Variants in GIT2 observed in about 807,000 individuals in gnomAD.
The protein encoded by GIT2 is GIT ArfGAP 2.
Under a neutral mutation model 100.3 loss-of-function variants are expected in GIT2, and 32 were observed. The observed-to-expected ratio is 0.32, with a 90% confidence interval of 0.24 to 0.43. The LOEUF (loss-of-function observed/expected upper bound fraction) is 0.43, where lower values mean the gene tolerates loss of function less well. GIT2 is among the 20% of genes least tolerant of loss of function. GIT2 has a pLI of 1.00. For missense variants in GIT2, 737 were observed against 975.1 expected (o/e 0.76, Z 3.25); for synonymous variants, 353 against 364.1 (o/e 0.97, Z 0.35).
chr12:109,983,708 A>C lies in GIT2; in HGVS notation c.406-14T>G, dbSNP rs747645733. 1 of 1,591,212 alleles carries C rather than the reference A, an allele frequency of 6.3e-7. No homozygotes were observed. Among genetic ancestry groups the C allele is most frequent in the Admixed American group, 1.7e-5 (1 of 59,194 alleles). Reference sequence around the variant, plus strand: ...CGAATGGAGTTGCTGAAAAACGCAGAAACAAAAAAGGAATCGTGGTTAGAG... The same window carrying C: ...CGAATGGAGTTGCTGAAAAACGCAGCAACAAAAAAGGAATCGTGGTTAGAG... On this transcript the variant is annotated splice_polypyrimidine_tract_variant and intron_variant, in intron 4 of 19. Transcript: ENST00000355312.
intron 17 of GIT2, chr12:109,938,958 G>A (rs1873818310): frequency 3.6e-6 from 2 of 554,434 alleles, no homozygotes; most frequent in Non-Finnish European, 6.5e-6. Context: ...CACATAACAT[G>A]CTGGTACAAA....
Position 109,938,582 on chromosome 12 carries a change from A to G in GIT2, c.1815-14T>C. ...TTTCGGCTTGACCTGTGAACATTAA[A>G]GATGCAGTTAAATACAGCAGGTGCT... On this transcript the variant is annotated splice_polypyrimidine_tract_variant and intron_variant, in intron 17 of 19. Coordinates refer to ENST00000355312, the MANE Select transcript of GIT2 (RefSeq NM_057169.5). 6.4e-7 allele frequency: 1 copy of G among 1,562,236 alleles called. No homozygotes were observed. Among genetic ancestry groups the G allele is most frequent in the Non-Finnish European group, 8.7e-7 (1 of 1,155,378 alleles).
intron 12 of GIT2, chr12:109,954,467 A>G (rs1240808524): frequency 6.6e-6 from 1 of 152,216 alleles, no homozygotes; most frequent in Non-Finnish European, 1.5e-5. Flanking sequence ...CACTTTGAAC[A>G]AAAGATTTCA....
Position 109,957,708 on chromosome 12 carries a change from G to A in GIT2, c.1099+2139C>T, listed in dbSNP as rs148414814. Among the ~76,000 whole-genome samples the A allele has an allele frequency of 3.7e-3, 567 of 151,876 alleles. 3 individuals carry two copies. Among genetic ancestry groups the A allele is most frequent in the African/African-American group, 0.013 (529 of 41,418 alleles). On this transcript the variant is annotated intron_variant, in intron 12 of 19. Coordinates refer to ENST00000355312, the MANE Select transcript of GIT2 (RefSeq NM_057169.5). ...TTTTTAGTAGAGACAGGATTTCACC[G>A]TGTTAGCCAGGATGGTCTCGATCTC...
chr12:109,968,426 CTTAT>C (rs1270041074), intron 7 of GIT2, among the ~76,000 whole-genome samples: 6 of 151,750 alleles, frequency 4.0e-5, no homozygotes, highest in African/African-American at 1.5e-4. Flanking sequence ...AATTAATTAA[CTTAT>C]TTATTTATTT....
At position 109,962,957 on chromosome 12, in the gene GIT2, G is replaced by A. The variant is rs1881435313; in HGVS notation, c.817-1272C>T. On this transcript the variant is annotated intron_variant, in intron 9 of 19. Transcript: ENST00000355312. The surrounding 1 kb of genome is among the most constrained non-coding windows in gnomAD (Gnocchi z 4.3). Reference sequence around the variant, plus strand: ...GGAGTTCAAGGCTGCAGTGAGCCACGATGGCACCACTGCACGCCAGCCTGG... The same window carrying A: ...GGAGTTCAAGGCTGCAGTGAGCCACAATGGCACCACTGCACGCCAGCCTGG... Among the ~76,000 whole-genome samples the A allele has an allele frequency of 6.6e-6, 1 of 152,060 alleles. No individual in the cohort carries two copies. Among genetic ancestry groups the A allele is most frequent in the Non-Finnish European group, 1.5e-5 (1 of 68,022 alleles).
At chr12:109,942,790 A>C (rs1875174805) in intron 16 of GIT2, 1 of 152,224 alleles carries the variant, frequency 6.6e-6, no homozygotes, top group Non-Finnish European at 1.5e-5. Flanking sequence ...ATGTTTTTTC[A>C]AGTATGGAAA....
At chr12:109,935,905 T>C (rs1419663208) in intron 18 of GIT2, among the ~76,000 whole-genome samples, 1 of 152,194 alleles carries the variant, frequency 6.6e-6, no homozygotes, top group Non-Finnish European at 1.5e-5. Context: ...CAGGAGTCCA[T>C]ATTCACAACT....
rs181106780 is a variant in GIT2 at position 109,956,494 on chromosome 12, G to A, written c.1100-3260C>T. 7.4e-4 allele frequency among the ~76,000 whole-genome samples: 112 copies of A among 152,258 alleles called. 1 individual carries two copies. The highest frequency in any genetic ancestry group is 6.8e-3 in the Middle Eastern group (2 of 294). ...TCTCAGCTGGAAACATGTGCTTTTGGTGACTCAATTTTTTTCTCTGCTCTG... is the reference window on the plus strand; with the variant it reads ...TCTCAGCTGGAAACATGTGCTTTTGATGACTCAATTTTTTTCTCTGCTCTG... On this transcript the variant is annotated intron_variant, in intron 12 of 19. Coordinates refer to ENST00000355312, the MANE Select transcript of GIT2 (RefSeq NM_057169.5).
intron 2 of GIT2, 24 bp from the exon 3 acceptor site, chr12:109,989,826 A>C: frequency 1.6e-6 from 2 of 1,212,976 alleles, no homozygotes; most frequent in South Asian, 2.4e-5. Context: ...GGATGACATA[A>C]GACTTTAATT....
chr12:109,954,457 C>T (rs1383440107), intron 12 of GIT2: 1 of 152,174 alleles, frequency 6.6e-6, no homozygotes. Context: ...GGATCTAATA[C>T]ACTTTGAACA....
chr12:109,954,588 ATGG>A (rs1379934696), intron 12 of GIT2: 1 of 152,120 alleles, frequency 6.6e-6, no homozygotes, highest in Non-Finnish European at 1.5e-5. Context: ...TGGGTGATGA[ATGG>A]TGGTTATTTA....
chr12:109,981,132 T>C lies in GIT2; in HGVS notation c.624-86A>G. ...GTACAAAGACGTCTCCTGAGACACC[T>C]GAGCAGTTTATCACACAAGACTTTT... On this transcript the variant is annotated intron_variant, in intron 6 of 19. Coordinates refer to ENST00000355312, the MANE Select transcript of GIT2 (RefSeq NM_057169.5). 4.6e-6 allele frequency: 4 copies of C among 865,776 alleles called. No homozygotes were observed. In the South Asian group the frequency reaches 5.3e-5, roughly 12 times the overall value. 53.6% of individuals were successfully genotyped at this position (865,776 alleles called of 1,614,324 possible).
At chr12:109,949,214 G>T (rs1247838999) in intron 14 of GIT2, among the ~76,000 whole-genome samples, 3 of 152,236 alleles carry the variant, frequency 2.0e-5, no homozygotes, top group Non-Finnish European at 4.4e-5. Flanking sequence ...GGCATGAAGT[G>T]CCTGTTGAAA....
chr12:109,978,803 ATCTTTGTCTGATAACGCC>A (rs749821401), intron 7 of GIT2, among the ~76,000 whole-genome samples: 3 of 152,148 alleles, frequency 2.0e-5, no homozygotes, highest in Non-Finnish European at 2.9e-5. Context: ...CTGCTTTAAA[ATCTTTGTCTGATAACGCC>A]AACATTTGTG....
chr12:109,948,473 G>C lies in GIT2; in HGVS notation c.1393-969C>G. The stretch of plus-strand genomic sequence containing the variant: ...GCTCCATGGTGCTGGATGGATTAGA[G>C]TTAAGGGGTCAGCAGGGAATCGTGT... On this transcript the variant is annotated intron_variant, in intron 14 of 19. Transcript: ENST00000355312. The surrounding 1 kb of genome is among the most constrained non-coding windows in gnomAD (Gnocchi z 4.3). 8.8e-7 allele frequency: 1 copy of C among 1,133,524 alleles called. No individual in the cohort carries two copies. Among genetic ancestry groups the C allele is most frequent in the Non-Finnish European group, 1.1e-6 (1 of 922,800 alleles). The allele number at this position is 1,133,524 out of a possible 1,614,324, so 70.2% of individuals were successfully genotyped here.
intron 17 of GIT2, chr12:109,938,829 G>A (rs375487409): frequency 2.0e-6 from 1 of 510,890 alleles, no homozygotes; most frequent in East Asian, 3.3e-5. Context: ...GAGGGTGTTT[G>A]TTTATAAAGC....
Position 109,933,864 on chromosome 12 carries a change from G to A in GIT2, c.2067+158C>T, listed in dbSNP as rs1872254456. The A allele has an allele frequency of 1.6e-6, 1 of 618,974 alleles. No homozygotes were observed. The highest frequency in any genetic ancestry group is 2.9e-5 in the East Asian group (1 of 34,424). The allele number at this position is 618,974 out of a possible 1,614,324, so 38.3% of individuals were successfully genotyped here. A position where few individuals can be genotyped will look rare whatever the true frequency, so the allele number is the denominator to read the frequency against. ...GATCTGCCTGTCTCGGCCTCCCAAA[G>A]TGCTGGGGTTACAGGCGTGAGCCAC... On this transcript the variant is annotated intron_variant, in intron 19 of 19. Coordinates refer to ENST00000355312, the MANE Select transcript of GIT2 (RefSeq NM_057169.5). The surrounding 1 kb of genome is among the most constrained non-coding windows in gnomAD (Gnocchi z 4.5).
chr12:109,967,396 C>T, intron 8 of GIT2, 62 bp downstream of exon 8: 1 of 1,505,190 alleles, frequency 6.6e-7, no homozygotes, highest in South Asian at 1.1e-5. Flanking sequence ...TATACTTAAA[C>T]ATAATACAAC....
Sources: allele counts gnomAD v4.1 joint callset (sites outside exome capture counted in the v4.1 genomes callset), GRCh38; gene constraint gnomAD v4.1.1; non-coding constraint Gnocchi (gnomAD v3.1); transcripts MANE v1.5; gene names NCBI Gene and HGNC (gene_info 2026-07-23, HGNC 2026-07-21).